Variants in VWC2 observed in about 807,000 individuals in gnomAD.
VWC2 encodes von Willebrand factor C domain containing 2, also known as brorin.
VWC2 carries 14 observed loss-of-function variants against 29.8 expected under a neutral mutation model. That is an observed-to-expected ratio of 0.47 (90% CI 0.31 to 0.74). The LOEUF is 0.74. Among genes scored for constraint, VWC2 ranks in the 30% least tolerant of loss-of-function variants. The pLI is 0.05. For missense variants in VWC2, 457 were observed against 459.8 expected (o/e 0.99, Z 0.05); for synonymous variants, 213 against 199.0 (o/e 1.07, Z -0.59).
intron 3 of VWC2, among the ~76,000 whole-genome samples, chr7:49,857,251 T>C (rs1790463945): frequency 6.6e-6 from 1 of 152,196 alleles, no homozygotes; most frequent in African/African-American, 2.4e-5. Context: ...GTTTAGCTCC[T>C]CTAGCGACTT....
chr7:49,804,723 A>G (rs1439124081), intron 3 of VWC2, among the ~76,000 whole-genome samples: 3 of 152,144 alleles, frequency 2.0e-5, no homozygotes, highest in Admixed American at 1.3e-4. Flanking sequence ...GTATACCTTT[A>G]GCTACACCTG....
chr7:49,819,936 A>C (rs1252737935), intron 3 of VWC2, among the ~76,000 whole-genome samples: 1 of 152,144 alleles, frequency 6.6e-6, no homozygotes, highest in African/African-American at 2.4e-5. Context: ...GCTTTCCTGT[A>C]TCTGCTTCTT....
chr7:49,806,731 T>C (rs1158182366), intron 3 of VWC2, among the ~76,000 whole-genome samples: 2 of 152,064 alleles, frequency 1.3e-5, no homozygotes, highest in East Asian at 3.9e-4. Flanking sequence ...TGTGTGTGTG[T>C]GTGTTTGTGT....
In VWC2 at chr7:49,915,507, A is replaced by C. The variant is rs1013532461; in HGVS notation, c.*3322A>C. 6.6e-6 allele frequency: 1 copy of C among 152,212 alleles called. No homozygotes were observed. Among genetic ancestry groups the C allele is most frequent in the Non-Finnish European group, 1.5e-5 (1 of 68,026 alleles). 9.4% of individuals were successfully genotyped at this position (152,212 alleles called of 1,614,324 possible). A position where few individuals can be genotyped will look rare whatever the true frequency, so the allele number is the denominator to read the frequency against. ...TCCAACATAAATGTTGCATTTATAT[A>C]AGGTTAAAAGTCCTAAAAAATCATA... On this transcript the variant is annotated 3_prime_UTR_variant, in exon 4 of 4. Transcript: ENST00000340652.
chr7:49,780,295 A>G (rs1788146432), intron 2 of VWC2, among the ~76,000 whole-genome samples: 1 of 152,174 alleles, frequency 6.6e-6, no homozygotes, highest in African/African-American at 2.4e-5. Context: ...ATGTGAATGG[A>G]TCCTTGTGTC....
chr7:49,797,980 C>T (rs1788635168), intron 2 of VWC2, among the ~76,000 whole-genome samples: 1 of 152,200 alleles, frequency 6.6e-6, no homozygotes, highest in Non-Finnish European at 1.5e-5. Context: ...ATGCTTTAAA[C>T]TTAGGTTGTC....
At chr7:49,802,563 G>A (rs992289722) in intron 2 of VWC2, 148 bp from the exon 3 acceptor site, 86 of 1,077,786 alleles carry the variant, frequency 8.0e-5, no homozygotes, top group Non-Finnish European at 1.1e-4. Flanking sequence ...GCTTGAACTC[G>A]GGAAACAGAG....
intron 3 of VWC2, among the ~76,000 whole-genome samples, chr7:49,893,482 T>G (rs1792232307): frequency 6.6e-6 from 1 of 152,346 alleles, no homozygotes; most frequent in South Asian, 2.1e-4. Flanking sequence ...CTTTAAAAAC[T>G]TTTGCTCATT....
chr7:49,852,847 GCTCCTTGAA>G (rs1790237741), intron 3 of VWC2, among the ~76,000 whole-genome samples: 4 of 152,200 alleles, frequency 2.6e-5, no homozygotes, highest in Admixed American at 2.6e-4. Flanking sequence ...CTAGTGACTG[GCTCCTTGAA>G]CTACAGTTGC....
intron 3 of VWC2, among the ~76,000 whole-genome samples, chr7:49,869,845 A>C (rs906266224): frequency 1.3e-4 from 20 of 152,266 alleles, no homozygotes; most frequent in African/African-American, 4.3e-4. Context: ...CAAAACGGGA[A>C]GCTTACTAGG....
intron 3 of VWC2, among the ~76,000 whole-genome samples, chr7:49,857,313 C>G (rs1471113247): frequency 6.6e-6 from 1 of 152,202 alleles, no homozygotes; most frequent in African/African-American, 2.4e-5. Context: ...GCTTTTTCCA[C>G]TAAGCATAAT....
intron 2 of VWC2, among the ~76,000 whole-genome samples, chr7:49,784,831 C>A (rs1294228495): frequency 1.3e-5 from 2 of 152,082 alleles, no homozygotes; most frequent in East Asian, 3.9e-4. Context: ...ACCCTTCACC[C>A]AGGCTGCAAA....
At chr7:49,888,735 A>T (rs581181) in intron 3 of VWC2, among the ~76,000 whole-genome samples, 4,942 of 151,820 alleles carry the variant, frequency 0.033, 295 homozygotes, top group African/African-American at 0.11. Flanking sequence ...ACATGGTAAA[A>T]CCCCGTTTCT....
chr7:49,897,481 C>T (rs1792447057), intron 3 of VWC2, among the ~76,000 whole-genome samples: 1 of 152,132 alleles, frequency 6.6e-6, no homozygotes, highest in Non-Finnish European at 1.5e-5. Context: ...CCAAAGTTGG[C>T]TTAGTACTCA....
intron 3 of VWC2, among the ~76,000 whole-genome samples, chr7:49,852,454 A>G (rs1305487375): frequency 6.6e-6 from 1 of 152,234 alleles, no homozygotes; most frequent in Non-Finnish European, 1.5e-5. Flanking sequence ...TGATTTGTGC[A>G]TGGCCTAGCC....
intron 3 of VWC2, among the ~76,000 whole-genome samples, chr7:49,890,351 G>C (rs535778432): frequency 5.2e-4 from 79 of 152,272 alleles, no homozygotes; most frequent in Middle Eastern, 6.8e-3. Context: ...CCATCAGGAA[G>C]ACAAAAGAAC....
chr7:49,828,017 C>T (rs1166061933), intron 3 of VWC2, among the ~76,000 whole-genome samples: 2 of 152,164 alleles, frequency 1.3e-5, no homozygotes, highest in African/African-American at 4.8e-5. Context: ...TGCACATTAC[C>T]ATGTAATTCC....
At chr7:49,854,162 C>G (rs1389668558) in intron 3 of VWC2, among the ~76,000 whole-genome samples, 17 of 152,108 alleles carry the variant, frequency 1.1e-4, no homozygotes, top group Non-Finnish European at 1.5e-5. Flanking sequence ...GTGAATAGTG[C>G]CGCAATAAGC....
chr7:49,912,004 T>C (rs369931990), intron 3 of VWC2, 30 bp from the exon 4 acceptor site: 2 of 1,601,204 alleles, frequency 1.2e-6, no homozygotes, highest in South Asian at 1.1e-5. Context: ...TATGCACACA[T>C]ATAGTATAAA....
Sources: gnomAD v4.1 joint callset for allele counts (sites outside exome capture counted in the v4.1 genomes callset) on GRCh38, gnomAD v4.1.1 for gene constraint, MANE v1.5 for transcripts, NCBI Gene and HGNC (gene_info 2026-07-23, HGNC 2026-07-21) for gene names.